The following SGCD variants were observed in gnomAD, a reference collection of about 807,000 sequenced individuals.
SGCD encodes sarcoglycan delta.
In SGCD, 18 loss-of-function variants were observed where a neutral mutation model predicts 36.6. The observed-to-expected ratio is 0.49, with a 90% CI of 0.34 to 0.73. The LOEUF (loss-of-function observed/expected upper bound fraction) is 0.73. SGCD is among the 30% of genes least tolerant of loss of function. The pLI is 0.01. For missense variants in SGCD, 387 were observed against 346.7 expected, an observed-to-expected ratio of 1.12 and a Z score of -0.92; for synonymous variants, 133 against 130.6, an observed-to-expected ratio of 1.02 and a Z score of -0.12.
chr5:156,391,388 G>A (rs1055178835), intron 3 of SGCD, among the ~76,000 whole-genome samples: 7 of 152,266 alleles, frequency 4.6e-5, no homozygotes, highest in East Asian at 1.9e-4. Context: ...GTGAAATGAC[G>A]CATGGCTGTA....
At chr5:155,807,905 C>G in the SGCD span, among the ~76,000 whole-genome samples, 6 of 152,062 alleles carry the variant, frequency 3.9e-5, no homozygotes, top group Non-Finnish European at 7.4e-5. Flanking sequence ...TGATACACTA[C>G]AAAGATAAAT....
chr5:156,615,966 C>T (rs951139379), intron 6 of SGCD, among the ~76,000 whole-genome samples: 1 of 152,084 alleles, frequency 6.6e-6, no homozygotes, highest in Admixed American at 6.5e-5. Context: ...GTTTATCATT[C>T]GGGTCTCACT....
chr5:155,946,263 A>T lies in SGCD; in HGVS notation c.-282+75839A>T, dbSNP rs1757435431. 2.6e-5 allele frequency among the ~76,000 whole-genome samples: 4 copies of T among 152,192 alleles called. No individual in the cohort carries two copies. The South Asian group carries it at 8.3e-4, about 32-fold the overall frequency. ...GCATATTTTATTTCATTTAATTATC[A>T]TAACCACCTTGCAAGTTAGATAACA... On this transcript the variant is annotated intron_variant, in intron 1 of 9. Transcript: ENST00000517913.
chr5:156,427,742 A>G (rs1336502025), intron 3 of SGCD, among the ~76,000 whole-genome samples: 1 of 152,174 alleles, frequency 6.6e-6, no homozygotes, highest in Non-Finnish European at 1.5e-5. Flanking sequence ...AGGTTTTATC[A>G]TAAAGGGATG....
intron 2 of SGCD, among the ~76,000 whole-genome samples, chr5:156,337,720 ATC>A (rs1768432081): frequency 6.6e-6 from 1 of 152,140 alleles, no homozygotes; most frequent in Non-Finnish European, 1.5e-5. Flanking sequence ...TTTATTGTCC[ATC>A]TCTCATTAAA....
chr5:156,497,048 T>G (rs1235252979), intron 3 of SGCD, among the ~76,000 whole-genome samples: 1 of 152,136 alleles, frequency 6.6e-6, no homozygotes, highest in African/African-American at 2.4e-5. Flanking sequence ...AGCATGAGCC[T>G]TAGAAAGCGT....
intron 3 of SGCD, among the ~76,000 whole-genome samples, chr5:156,127,166 T>A (rs76157930): frequency 0.026 from 3,929 of 152,250 alleles, 167 homozygotes; most frequent in African/African-American, 0.09. Context: ...CATATGCATA[T>A]GACATCAAAA....
Position 156,463,963 on chromosome 5 carries a change from A to C in SGCD, c.193-44638A>C, listed in dbSNP as rs1214559021. 2.6e-5 allele frequency among the ~76,000 whole-genome samples: 4 copies of C among 152,192 alleles called. No homozygotes were observed. The East Asian group carries it at 7.7e-4, about 29-fold the overall frequency. ...AGAGCAAGACCCTGTCTTAAAACAA[A>C]ACAGAACAAAACAAAGCTGCTCAGC... On this transcript the variant is annotated intron_variant, in intron 3 of 8. Coordinates refer to ENST00000337851, the MANE Select transcript of SGCD (RefSeq NM_000337.6).
intron 3 of SGCD, 56 bp downstream of exon 3, chr5:156,344,733 C>A: frequency 7.6e-7 from 1 of 1,323,890 alleles, no homozygotes; most frequent in Non-Finnish European, 1.1e-6. Flanking sequence ...AAGCGTGGGG[C>A]AAGATGATGA....
chr5:156,520,457 C>A (rs548915024), intron 4 of SGCD, among the ~76,000 whole-genome samples: 30 of 152,182 alleles, frequency 2.0e-4, no homozygotes, highest in Admixed American at 5.2e-4. Flanking sequence ...AATTTATAGA[C>A]CAAGTGCTAT....
At chr5:155,823,913 C>T in the SGCD span, among the ~76,000 whole-genome samples, 180 of 152,220 alleles carry the variant, frequency 1.2e-3, no homozygotes, top group Admixed American at 1.4e-3. Context: ...CCCAGATTAC[C>T]GCATGAGGAC....
intron 1 of SGCD, among the ~76,000 whole-genome samples, chr5:155,964,541 T>C (rs1439329705): frequency 6.6e-6 from 1 of 152,142 alleles, no homozygotes; most frequent in African/African-American, 2.4e-5. Flanking sequence ...TTTCACTATG[T>C]TGGCCAGGCT....
intron 3 of SGCD, among the ~76,000 whole-genome samples, chr5:156,415,826 G>A (rs1773001152): frequency 6.6e-6 from 1 of 152,074 alleles, no homozygotes; most frequent in African/African-American, 2.4e-5. Context: ...GTTAAATAGG[G>A]CAAAACTTAT....
chr5:155,853,339 A>C, the SGCD span, among the ~76,000 whole-genome samples: 1 of 152,066 alleles, frequency 6.6e-6, no homozygotes, highest in Non-Finnish European at 1.5e-5. Flanking sequence ...ATTTCAGTAG[A>C]AAAAATGGAT....
the SGCD span, among the ~76,000 whole-genome samples, chr5:155,785,558 A>G: frequency 6.6e-6 from 1 of 152,082 alleles, no homozygotes; most frequent in Non-Finnish European, 1.5e-5. Context: ...TACTCTCCCT[A>G]TCCTCTCCTT....
At chr5:156,453,443 T>C (rs1363069075) in intron 3 of SGCD, among the ~76,000 whole-genome samples, 1 of 152,184 alleles carries the variant, frequency 6.6e-6, no homozygotes, top group Non-Finnish European at 1.5e-5. Context: ...AAGTGTTACA[T>C]GTAAACATGA....
At chr5:155,793,418 T>TA in the SGCD span, among the ~76,000 whole-genome samples, 115 of 151,684 alleles carry the variant, frequency 7.6e-4, no homozygotes, top group African/African-American at 2.6e-3. Flanking sequence ...CAATCCAAAA[T>TA]AAAAAAAAGT....
intron 1 of SGCD, among the ~76,000 whole-genome samples, chr5:155,959,551 TG>T (rs1260454887): frequency 6.6e-6 from 1 of 152,164 alleles, no homozygotes; most frequent in Non-Finnish European, 1.5e-5. Context: ...CCTTATGTTA[TG>T]TTTCCTTGCT....
At chr5:156,437,105 A>T (rs1453515572) in intron 3 of SGCD, among the ~76,000 whole-genome samples, 1 of 152,110 alleles carries the variant, frequency 6.6e-6, no homozygotes, top group African/African-American at 2.4e-5. Context: ...TTAAAGAAAG[A>T]TTGAGTTCAT....
Sources: gnomAD v4.1 joint callset for allele counts (sites outside exome capture counted in the v4.1 genomes callset) on GRCh38, gnomAD v4.1.1 for gene constraint, MANE v1.5 for transcripts, NCBI Gene and HGNC (gene_info 2026-07-23, HGNC 2026-07-21) for gene names.